GPBP1L1: variants seen among roughly 807,000 people sequenced by gnomAD.
GPBP1L1 encodes the protein vasculin-like protein 1.
A neutral mutation model predicts 52.5 loss-of-function variants in GPBP1L1; 23 were observed. The observed-to-expected ratio is 0.44, with a 90% CI of 0.32 to 0.62. GPBP1L1 has a LOEUF of 0.62. Among genes scored for constraint, GPBP1L1 ranks in the 20% least tolerant of loss-of-function variants. The pLI is 0.06. For missense variants in GPBP1L1, 596 were observed against 579.3 expected, an observed-to-expected ratio of 1.03 and a Z score of -0.30; for synonymous variants, 243 against 203.1, an observed-to-expected ratio of 1.20 and a Z score of -1.67.
At chr1:45,645,883 C>A in intron 6 of GPBP1L1, 1 of 500,456 alleles carries the variant, frequency 2.0e-6, no homozygotes, top group East Asian at 5.4e-5. Flanking sequence ...GTCCATGATA[C>A]CAGCTAAGGC....
intron 8 of GPBP1L1, among the ~76,000 whole-genome samples, chr1:45,636,935 T>A (rs1232746517): frequency 6.6e-6 from 1 of 152,190 alleles, no homozygotes; most frequent in Non-Finnish European, 1.5e-5. Context: ...CTATCACTTA[T>A]TAGCTATGTA....
chr1:45,643,658 CTTTTTTTTTTTTT>C (rs113388167), intron 6 of GPBP1L1, among the ~76,000 whole-genome samples: 7 of 65,110 alleles, frequency 1.1e-4, no homozygotes, highest in Non-Finnish European at 1.9e-4. Flanking sequence ...AGGAGAATGG[CTTTTTTTTTTTTT>C]TTTTTTTTTT....
Position 45,633,588 on chromosome 1 carries a change from G to A in GPBP1L1, c.945C>T (p.Thr315=), listed in dbSNP as rs1222040726. 1.2e-6 allele frequency: 2 copies of A among 1,613,374 alleles called. No homozygotes were observed. The highest frequency in any genetic ancestry group is 3.3e-5 in the Admixed American group (2 of 59,926). Residue 315 remains threonine, a synonymous_variant, in exon 10 of 13, where the codon ACC becomes ACT. Coordinates refer to ENST00000355105, the MANE Select transcript of GPBP1L1 (RefSeq NM_021639.5). The part of the protein sequence containing the change: ...EISSSRLTKL[T]RRTTDRKSEF... Reference sequence around the variant, plus strand: ...CACTCTTCCTGTCGGTGGTTCGGCGGGTCAACTTGGTCAGACGAGAGGAGC... The same window carrying A: ...CACTCTTCCTGTCGGTGGTTCGGCGAGTCAACTTGGTCAGACGAGAGGAGC...
At chr1:45,685,012 T>C (rs148938584) in intron 2 of GPBP1L1, among the ~76,000 whole-genome samples, 20 of 152,264 alleles carry the variant, frequency 1.3e-4, no homozygotes, top group African/African-American at 4.8e-4. Context: ...TTGAAATTTA[T>C]TGGTTTTGGT....
chr1:45,684,298 G>GA (rs1393815824), intron 2 of GPBP1L1, among the ~76,000 whole-genome samples: 3 of 149,020 alleles, frequency 2.0e-5, no homozygotes, highest in East Asian at 1.9e-4. Context: ...AGAAAAGAAG[G>GA]AAAAAAAAGT....
intron 6 of GPBP1L1, among the ~76,000 whole-genome samples, chr1:45,653,703 T>G (rs1411567467): frequency 1.5e-5 from 1 of 66,786 alleles, no homozygotes; most frequent in East Asian, 5.1e-4. Context: ...CTTTTTTTTC[T>G]TTTTTTTTTT....
At chr1:45,676,167 T>C (rs1422502413) in intron 2 of GPBP1L1, among the ~76,000 whole-genome samples, 1 of 152,222 alleles carries the variant, frequency 6.6e-6, no homozygotes, top group African/African-American at 2.4e-5. Flanking sequence ...TTAGTACTAC[T>C]TATTTTATCT....
Position 45,660,228 on chromosome 1 carries a change from C to T in GPBP1L1, c.-100G>A. 1 of 985,308 alleles carries T rather than the reference C, an allele frequency of 1.0e-6. No individual in the cohort carries two copies. Among genetic ancestry groups the T allele is most frequent in the Non-Finnish European group, 1.2e-6 (1 of 829,900 alleles). The allele number at this position is 985,308 out of a possible 1,614,324, so 61.0% of individuals were successfully genotyped here. On this transcript the variant is annotated 5_prime_UTR_variant, in exon 3 of 13. Transcript: ENST00000355105. Reference sequence around the variant, plus strand: ...GGTCCTGTTTCTGAACTCGAGTCGGCCAGCTGGATCTCCCACAAGGTTTCC... The same window carrying T: ...GGTCCTGTTTCTGAACTCGAGTCGGTCAGCTGGATCTCCCACAAGGTTTCC...
chr1:45,680,550 T>C (rs1478900796), intron 2 of GPBP1L1, among the ~76,000 whole-genome samples: 6 of 151,784 alleles, frequency 4.0e-5, no homozygotes, highest in Non-Finnish European at 8.8e-5. Flanking sequence ...AGACATACTT[T>C]TTTTTTTTAA....
chr1:45,651,462 A>G (rs1203847451), intron 6 of GPBP1L1: 2 of 432,640 alleles, frequency 4.6e-6, no homozygotes, highest in Non-Finnish European at 8.5e-6. Flanking sequence ...CTTTGCTGGC[A>G]GCTTTCTTCT....
chr1:45,678,797 A>C (rs549208278), intron 2 of GPBP1L1, among the ~76,000 whole-genome samples: 1 of 152,356 alleles, frequency 6.6e-6, no homozygotes, highest in East Asian at 1.9e-4. Flanking sequence ...GATCAGCTGG[A>C]GAAATTTGAA....
At chr1:45,642,399 T>C in intron 7 of GPBP1L1, 28 bp downstream of exon 7, 3 of 1,517,158 alleles carry the variant, frequency 2.0e-6, no homozygotes, top group South Asian at 1.1e-5. Context: ...TTTAAAGTTG[T>C]GCCTTTAAAA....
At chr1:45,632,600 C>A (rs1644544108) in intron 10 of GPBP1L1, among the ~76,000 whole-genome samples, 2 of 152,118 alleles carry the variant, frequency 1.3e-5, no homozygotes. Flanking sequence ...CCTGTAATCC[C>A]AGCTACTCAG....
intron 2 of GPBP1L1, among the ~76,000 whole-genome samples, chr1:45,668,258 T>C (rs1050605815): frequency 9.2e-5 from 14 of 152,196 alleles, no homozygotes; most frequent in African/African-American, 3.4e-4. Flanking sequence ...TTAGAAAAGA[T>C]ATGCGCTGAA....
chr1:45,642,134 TCAAA>T (rs1250204496), intron 7 of GPBP1L1, among the ~76,000 whole-genome samples: 4 of 152,206 alleles, frequency 2.6e-5, no homozygotes, highest in East Asian at 1.9e-4. Flanking sequence ...TGAGACTGTC[TCAAA>T]CAAACAGACT....
intron 2 of GPBP1L1, among the ~76,000 whole-genome samples, chr1:45,670,110 A>G (rs1390651827): frequency 2.6e-5 from 4 of 152,232 alleles, no homozygotes. Context: ...AGTTTTCACC[A>G]TCAGCAGCAG....
rs777362042 is a variant in GPBP1L1 at position 45,659,104 on chromosome 1, C to T, written c.-17G>A. On this transcript the variant is annotated 5_prime_UTR_variant, in exon 4 of 13. Transcript: ENST00000355105. ...CTGCGCCATTTAGGTCCAGTGTCTC[C>T]TTTCAGTAAGGTGAGGCATCCAACC... 6.2e-7 allele frequency: 1 copy of T among 1,613,962 alleles called. No individual in the cohort carries two copies.
At chr1:45,637,089 C>T (rs1224099015) in intron 8 of GPBP1L1, among the ~76,000 whole-genome samples, 2 of 152,124 alleles carry the variant, frequency 1.3e-5, no homozygotes, top group Non-Finnish European at 2.9e-5. Context: ...CCCAGTTATC[C>T]GTAAAGACTT....
intron 9 of GPBP1L1, 194 bp from the exon 10 acceptor site, chr1:45,633,841 G>A: frequency 1.5e-6 from 1 of 661,540 alleles, no homozygotes. Context: ...GGCTTACATG[G>A]CACCTCTTTG....
Sources: gnomAD v4.1 joint callset for allele counts (sites outside exome capture counted in the v4.1 genomes callset) on GRCh38, gnomAD v4.1.1 for gene constraint, MANE v1.5 for transcripts, NCBI Gene and HGNC (gene_info 2026-07-23, HGNC 2026-07-21) for gene names.